FRY: variants seen among roughly 807,000 people sequenced by gnomAD.
FRY encodes the protein protein furry homolog.
Under a neutral mutation model 348.4 loss-of-function variants are expected in FRY, and 128 were observed. The ratio of observed to expected loss-of-function variants is 0.37; its 90% confidence interval spans 0.32 to 0.43. FRY has a LOEUF of 0.43. Among genes scored for constraint, FRY ranks in the 20% least tolerant of loss-of-function variants. The probability of loss-of-function intolerance (pLI) is 1.00; values close to 1 mark genes in which losing one functional copy is unlikely to be tolerated. For missense variants in FRY, 2,736 were observed against 3,695.2 expected (o/e 0.74, Z 6.73); for synonymous variants, 1,370 against 1,374.7 (o/e 1.00, Z 0.08).
chr13:32,237,002 A>C lies in FRY; in HGVS notation c.5811-377A>C, dbSNP rs1307031256. ...TACCAGCTTCTTTCTGGATAGCATAATTCCCATTTCTGTTCTCCTTATCAG... is the reference window on the plus strand; with the variant it reads ...TACCAGCTTCTTTCTGGATAGCATACTTCCCATTTCTGTTCTCCTTATCAG... On this transcript the variant is annotated intron_variant, in intron 43 of 60. Transcript: ENST00000542859. This position sits in a 1 kb window ranked among gnomAD's most constrained non-coding sequence, Gnocchi z 6.3. 6.6e-6 allele frequency among the ~76,000 whole-genome samples: 1 copy of C among 152,194 alleles called. No homozygotes were observed. Among genetic ancestry groups the C allele is most frequent in the Non-Finnish European group, 1.5e-5 (1 of 68,032 alleles).
intron 1 of FRY, among the ~76,000 whole-genome samples, chr13:32,076,929 C>T (rs1490069703): frequency 1.3e-5 from 2 of 152,112 alleles, no homozygotes; most frequent in African/African-American, 2.4e-5. Flanking sequence ...AGGATATACA[C>T]GACAAAGCAA....
At chr13:32,282,676 G>A (rs980191586) in intron 58 of FRY, among the ~76,000 whole-genome samples, 2 of 152,036 alleles carry the variant, frequency 1.3e-5, no homozygotes, top group Middle Eastern at 3.2e-3. Flanking sequence ...ATCTTTGTTG[G>A]GTGCTGAATA....
intron 1 of FRY, among the ~76,000 whole-genome samples, chr13:32,070,558 GTTTTT>G (rs56360034): frequency 4.8e-5 from 7 of 144,530 alleles, no homozygotes; most frequent in African/African-American, 1.8e-4. Flanking sequence ...TTTTTGATGG[GTTTTT>G]TTTTTTTTTC....
rs557469037 is a variant in FRY, at chr13:32,100,358, C to T, written c.271-1605C>T. Among the ~76,000 whole-genome samples the T allele has an allele frequency of 9.1e-4, 139 of 152,098 alleles. 2 individuals carry two copies. Among genetic ancestry groups the T allele is most frequent in the African/African-American group, 2.9e-3 (120 of 41,424 alleles). ...CCTCCCAAAGTGCTGGGATTACAGA[C>T]GTGAGCCAATGCACCTGGCCGTGAC... is the stretch of plus-strand genomic sequence containing the variant. On this transcript the variant is annotated intron_variant, in intron 2 of 60. Coordinates refer to ENST00000542859, the MANE Select transcript of FRY (RefSeq NM_023037.3).
At chr13:32,192,569 T>G (rs1230605290) in intron 28 of FRY, among the ~76,000 whole-genome samples, 1 of 151,942 alleles carries the variant, frequency 6.6e-6, no homozygotes, top group Non-Finnish European at 1.5e-5. Flanking sequence ...TTAAAGCGAG[T>G]TGGGGGAAAC....
At chr13:32,293,549 T>C (rs969388624) in intron 59 of FRY, among the ~76,000 whole-genome samples, 2 of 152,170 alleles carry the variant, frequency 1.3e-5, no homozygotes, top group African/African-American at 4.8e-5. Context: ...AAAAAAAACC[T>C]TTAATTTTAT....
chr13:32,056,960 T>G (rs531150194), intron 1 of FRY, among the ~76,000 whole-genome samples: 1 of 152,256 alleles, frequency 6.6e-6, no homozygotes, highest in African/African-American at 2.4e-5. Context: ...CACCAGCAAG[T>G]GTATCCTCTC....
chr13:32,227,964 A>G (rs1005077698), intron 39 of FRY, among the ~76,000 whole-genome samples: 1 of 152,080 alleles, frequency 6.6e-6, no homozygotes. Flanking sequence ...GCTAGCCAGG[A>G]TGGTCTCGAT....
chr13:32,232,748 C>T (rs1593777216), intron 41 of FRY, among the ~76,000 whole-genome samples: 1 of 152,286 alleles, frequency 6.6e-6, no homozygotes, highest in Non-Finnish European at 1.5e-5. Flanking sequence ...GGCACCTGGG[C>T]ACACCTAACT....
intron 2 of FRY, among the ~76,000 whole-genome samples, chr13:32,085,685 T>C (rs1875810735): frequency 6.6e-6 from 1 of 152,170 alleles, no homozygotes; most frequent in Non-Finnish European, 1.5e-5. Context: ...TTATCCTCAT[T>C]GGAGGGCTGA....
intron 43 of FRY, 132 bp downstream of exon 43, chr13:32,236,304 T>A: frequency 1.5e-6 from 1 of 678,910 alleles, no homozygotes; most frequent in Non-Finnish European, 2.6e-6. Context: ...AAAAAGTATG[T>A]GTAATACTTT....
intron 32 of FRY, 115 bp downstream of exon 32, chr13:32,209,224 TA>T (rs1166680285): frequency 8.6e-7 from 1 of 1,158,430 alleles, no homozygotes; most frequent in Non-Finnish European, 1.3e-6. Flanking sequence ...TGACTGGGGA[TA>T]AATAGTGGTG....
At chr13:32,175,428 G>A (rs1882306460) in intron 19 of FRY, 118 bp from the exon 20 acceptor site, 2 of 745,708 alleles carry the variant, frequency 2.7e-6, no homozygotes, top group Non-Finnish European at 4.9e-6. Flanking sequence ...ACTTTTCTGT[G>A]AGAAAACCCT....
chr13:32,142,252 G>A (rs1345193014), intron 11 of FRY, among the ~76,000 whole-genome samples: 3 of 152,150 alleles, frequency 2.0e-5, no homozygotes, highest in Non-Finnish European at 2.9e-5. Context: ...AGCCACTGAG[G>A]CCAGATTGCC....
At chr13:32,262,569 G>A in intron 53 of FRY, 94 bp downstream of exon 53, 1 of 893,062 alleles carries the variant, frequency 1.1e-6, no homozygotes, top group South Asian at 1.3e-5. Context: ...GGGGTCTCAA[G>A]TAGAAAGACT....
At chr13:32,120,942 G>T (rs1878612096) in intron 4 of FRY, among the ~76,000 whole-genome samples, 1 of 152,210 alleles carries the variant, frequency 6.6e-6, no homozygotes, top group Non-Finnish European at 1.5e-5. Context: ...TTACAGGCGT[G>T]AGCCACCATG....
At chr13:32,121,018 G>C (rs1188915844) in intron 4 of FRY, among the ~76,000 whole-genome samples, 1 of 152,156 alleles carries the variant, frequency 6.6e-6, no homozygotes, top group African/African-American at 2.4e-5. Flanking sequence ...CATATCAATA[G>C]AATGTTTGGT....
intron 23 of FRY, among the ~76,000 whole-genome samples, chr13:32,181,811 TAA>T (rs561277027): frequency 6.6e-6 from 1 of 152,164 alleles, no homozygotes; most frequent in South Asian, 2.1e-4. Flanking sequence ...TAAAAATATA[TAA>T]GTGTATCTGT....
chr13:32,141,988 T>A (rs755278771), intron 11 of FRY, among the ~76,000 whole-genome samples: 2 of 151,988 alleles, frequency 1.3e-5, no homozygotes, highest in African/African-American at 2.4e-5. Flanking sequence ...TTAAGGGAGA[T>A]GCAGATTCCA....
Sources: gnomAD v4.1 joint callset for allele counts (sites outside exome capture counted in the v4.1 genomes callset) on GRCh38, gnomAD v4.1.1 for gene constraint, Gnocchi (gnomAD v3.1) non-coding constraint, MANE v1.5 for transcripts, NCBI Gene and HGNC (gene_info 2026-07-23, HGNC 2026-07-21) for gene names.